ADAMTS14: variants seen among roughly 807,000 people sequenced by gnomAD.
ADAMTS14 encodes the protein ADAM metallopeptidase with thrombospondin type 1 motif 14.
In ADAMTS14, 100 loss-of-function variants were observed where a neutral mutation model predicts 128.6. That is an observed-to-expected ratio of 0.78 (90% CI 0.66 to 0.92). The LOEUF is 0.92. ADAMTS14 is among the 40% of genes least tolerant of loss of function. ADAMTS14 has a pLI of 0.00. For missense variants in ADAMTS14, 1,562 were observed against 1,658.6 expected, an observed-to-expected ratio of 0.94 and a Z score of 1.01; for synonymous variants, 665 against 653.8, an observed-to-expected ratio of 1.02 and a Z score of -0.26.
intron 12 of ADAMTS14, among the ~76,000 whole-genome samples, chr10:70,741,696 T>C (rs1471715638): frequency 6.6e-6 from 1 of 152,152 alleles, no homozygotes; most frequent in African/African-American, 2.4e-5. Flanking sequence ...TGGTGGGATC[T>C]TCATAACGAC....
chr10:70,733,876 C>T lies in ADAMTS14; in HGVS notation c.1209-9C>T. On this transcript the variant is annotated splice_polypyrimidine_tract_variant and intron_variant, in intron 7 of 21. Transcript: ENST00000373207. ...ATGTATCAGGACTCCTCTGTCTTCCCCATTCCAGGCTCGGCATGGAGCATG... is the reference window on the plus strand; with the variant it reads ...ATGTATCAGGACTCCTCTGTCTTCCTCATTCCAGGCTCGGCATGGAGCATG... 1 of 1,610,160 alleles carries T rather than the reference C, an allele frequency of 6.2e-7. No individual in the cohort carries two copies. The highest frequency in any genetic ancestry group is 1.1e-5 in the South Asian group (1 of 90,746).
Position 70,751,952 on chromosome 10 carries a change from A to G in ADAMTS14, c.2597-143A>G, listed in dbSNP as rs1470317565. The G allele has an allele frequency of 2.4e-6, 3 of 1,256,918 alleles. No homozygotes were observed. The African/African-American group carries it at 4.5e-5, about 19-fold the overall frequency. 77.9% of individuals were successfully genotyped at this position (1,256,918 alleles called of 1,614,324 possible). A position where few individuals can be genotyped will look rare whatever the true frequency, so the allele number is the denominator to read the frequency against. On this transcript the variant is annotated intron_variant, in intron 17 of 21. Coordinates refer to ENST00000373207, the MANE Select transcript of ADAMTS14 (RefSeq NM_080722.4). Reference sequence around the variant, plus strand: ...GCTGATCAGGAAGGCGTCCCTCAGAAAGTGACGTGGGCAGGCGGGGGCATA... The same window carrying G: ...GCTGATCAGGAAGGCGTCCCTCAGAGAGTGACGTGGGCAGGCGGGGGCATA...
At chr10:70,676,288 G>C (rs749930705) in intron 2 of ADAMTS14, among the ~76,000 whole-genome samples, 1 of 152,194 alleles carries the variant, frequency 6.6e-6, no homozygotes. Flanking sequence ...ATAGGTGCTT[G>C]TCACTGTGCC....
chr10:70,725,822 T>TCCTCTCC (rs1162760999), intron 4 of ADAMTS14, among the ~76,000 whole-genome samples: 2 of 152,152 alleles, frequency 1.3e-5, no homozygotes, highest in Non-Finnish European at 2.9e-5. Context: ...GCTCATGCCT[T>TCCTCTCC]CCTCTCCCCT....
intron 21 of ADAMTS14, among the ~76,000 whole-genome samples, chr10:70,758,894 A>G (rs1384813096): frequency 2.6e-5 from 4 of 152,198 alleles, no homozygotes; most frequent in Non-Finnish European, 5.9e-5. Flanking sequence ...AGCAACTGCT[A>G]CGTGCCAGGC....
At chr10:70,695,524 A>G (rs1384449936) in intron 2 of ADAMTS14, among the ~76,000 whole-genome samples, 5 of 152,146 alleles carry the variant, frequency 3.3e-5, no homozygotes, top group Non-Finnish European at 7.3e-5. Flanking sequence ...CAGGTTATGT[A>G]GGGTGTTGCT....
intron 4 of ADAMTS14, among the ~76,000 whole-genome samples, chr10:70,712,119 C>T (rs1482700119): frequency 1.3e-5 from 2 of 152,140 alleles, no homozygotes; most frequent in Non-Finnish European, 2.9e-5. Context: ...GAACACTTGA[C>T]CGCCCACCCA....
At chr10:70,757,573 G>T (rs1842505511) in intron 19 of ADAMTS14, among the ~76,000 whole-genome samples, 1 of 152,090 alleles carries the variant, frequency 6.6e-6, no homozygotes, top group Non-Finnish European at 1.5e-5. Context: ...AGGGGAGTTT[G>T]CTAGAGTGAT....
intron 4 of ADAMTS14, among the ~76,000 whole-genome samples, chr10:70,723,254 T>C (rs1816002): frequency 0.52 from 79,340 of 151,952 alleles, 21,284 homozygotes; most frequent in South Asian, 0.67. Flanking sequence ...AACCAGAAGG[T>C]GGGAGAACCT....
At chr10:70,744,509 G>A (rs1246290523) in intron 14 of ADAMTS14, among the ~76,000 whole-genome samples, 1 of 152,214 alleles carries the variant, frequency 6.6e-6, no homozygotes, top group Non-Finnish European at 1.5e-5. Context: ...GCATCAGACA[G>A]ATCTAAAGGT....
chr10:70,709,298 G>A (rs1029764196), intron 4 of ADAMTS14, among the ~76,000 whole-genome samples: 1 of 152,148 alleles, frequency 6.6e-6, no homozygotes, highest in African/African-American at 2.4e-5. Context: ...TCAGGGATGT[G>A]GGCAAATTCT....
chr10:70,688,677 C>G, intron 2 of ADAMTS14, among the ~76,000 whole-genome samples: 1 of 114,074 alleles, frequency 8.8e-6, no homozygotes, highest in Non-Finnish European at 2.0e-5. Context: ...ACTGGCCCGG[C>G]CAACACAGCG....
chr10:70,726,498 G>A (rs1299518078), intron 4 of ADAMTS14, among the ~76,000 whole-genome samples: 2 of 152,176 alleles, frequency 1.3e-5, no homozygotes, highest in African/African-American at 2.4e-5. Flanking sequence ...ATAACTGATG[G>A]GTTTACATGA....
chr10:70,753,936 C>A lies in ADAMTS14; in HGVS notation c.2866C>A (p.Arg956=), dbSNP rs144830999. Residue 956 remains arginine (R), a synonymous_variant, in exon 19 of 22, where the codon CGG becomes AGG. Transcript: ENST00000373207. The stretch of plus-strand genomic sequence containing the variant: ...GCCGGCCAAAGCCTGCGCCGGGGAC[C>A]GGCCTGAGGCCCGACGGCCCTGTCT... ...VMPAKACAGD[R]PEARRPCLRV... is the part of the protein sequence containing the mutation. 2 of 1,587,508 alleles carry A rather than the reference C, an allele frequency of 1.3e-6. No individual in the cohort carries two copies. The highest frequency in any genetic ancestry group is 2.7e-5 in the African/African-American group (2 of 74,596).
chr10:70,759,129 T>TTTTTTTTTTTTTTTTTTTTTTTTTGG (rs1485675752), intron 21 of ADAMTS14, among the ~76,000 whole-genome samples: 1 of 112,610 alleles, frequency 8.9e-6, no homozygotes, highest in Non-Finnish European at 1.9e-5. Flanking sequence ...TCCAATCTTC[T>TTTTTTTTTTTTTTTTTTTTTTTTTGG]ACTTCTCTGC....
rs929157153 is a variant in ADAMTS14 at position 70,736,274 on chromosome 10, G to T, written c.1486-406G>T. Among the ~76,000 whole-genome samples the T allele has an allele frequency of 2.8e-3, 15 of 5,440 alleles. No individual in the cohort carries two copies. The South Asian group carries it at 0.054, about 20-fold the overall frequency. 3.6% of individuals were successfully genotyped at this position (5,440 alleles called of 152,430 possible). Reference sequence around the variant, plus strand: ...CCAGCCTCGTTGGAGTGCTGGGGTGGGGGGGGTCTGGGCTGGAAAGCAGCA... The same window carrying T: ...CCAGCCTCGTTGGAGTGCTGGGGTGTGGGGGGTCTGGGCTGGAAAGCAGCA... On this transcript the variant is annotated intron_variant, in intron 9 of 21. Coordinates refer to ENST00000373207, the MANE Select transcript of ADAMTS14 (RefSeq NM_080722.4).
At chr10:70,718,324 C>A (rs1387371283) in intron 4 of ADAMTS14, among the ~76,000 whole-genome samples, 1 of 152,102 alleles carries the variant, frequency 6.6e-6, no homozygotes, top group Non-Finnish European at 1.5e-5. Flanking sequence ...AGTAAAAAAA[C>A]TCATTCACTG....
chr10:70,710,116 A>G (rs1298739799), intron 4 of ADAMTS14, among the ~76,000 whole-genome samples: 1 of 152,108 alleles, frequency 6.6e-6, no homozygotes, highest in Admixed American at 6.5e-5. Context: ...GAGGCAGGTG[A>G]CCCATTGGGA....
intron 4 of ADAMTS14, among the ~76,000 whole-genome samples, chr10:70,713,243 G>A (rs914327922): frequency 2.6e-5 from 4 of 151,368 alleles, no homozygotes; most frequent in African/African-American, 4.9e-5. Flanking sequence ...TCCCCAGCTG[G>A]CTTCACTGCC....
Sources: allele counts gnomAD v4.1 joint callset (sites outside exome capture counted in the v4.1 genomes callset), GRCh38; gene constraint gnomAD v4.1.1; transcripts MANE v1.5; gene names NCBI Gene and HGNC (gene_info 2026-07-23, HGNC 2026-07-21).